Variants in PID1 observed in about 807,000 individuals in gnomAD.
PID1 encodes the protein PTB-containing, cubilin and LRP1-interacting protein.
A neutral mutation model predicts 19.1 loss-of-function variants in PID1; 10 were observed. That is an observed-to-expected ratio of 0.52 (90% confidence interval 0.32 to 0.89). PID1 has a LOEUF of 0.89. Among genes scored for constraint, PID1 ranks in the 40% least tolerant of loss-of-function variants. The probability of loss-of-function intolerance (pLI) is 0.03; values close to 1 mark genes in which losing one functional copy is unlikely to be tolerated. For synonymous variants in PID1, 130 were observed against 116.0 expected, an observed-to-expected ratio of 1.12 and a Z score of -0.78; for missense variants, 248 against 285.3, an observed-to-expected ratio of 0.87 and a Z score of 0.94.
chr2:229,178,991 T>C (rs1238358708), intron 1 of PID1, among the ~76,000 whole-genome samples: 1 of 152,110 alleles, frequency 6.6e-6, no homozygotes, highest in Admixed American at 6.5e-5. Context: ...ATGTGAAAAC[T>C]CAGTCCAAAG....
intron 2 of PID1, among the ~76,000 whole-genome samples, chr2:229,147,460 T>A (rs1690158662): frequency 6.6e-6 from 1 of 152,098 alleles, no homozygotes; most frequent in African/African-American, 2.4e-5. Context: ...TCACTTCTAT[T>A]CATATTTTAG....
chr2:229,101,307 C>T (rs1695068529), intron 2 of PID1, among the ~76,000 whole-genome samples: 1 of 152,092 alleles, frequency 6.6e-6, no homozygotes, highest in South Asian at 2.1e-4. Context: ...TGGTGGTTTG[C>T]TGCACTTATC....
rs201772514 is a variant in PID1, at chr2:229,236,987, TACACAC to T, written c.30+34021_30+34026del. Among the ~76,000 whole-genome samples the T allele has an allele frequency of 5.9e-3, 632 of 107,858 alleles. 5 individuals carry two copies. The highest frequency in any genetic ancestry group is 0.021 in the Admixed American group (252 of 12,024). The allele number at this position is 107,858 out of a possible 152,430, so 70.8% of individuals were successfully genotyped here. The stretch of plus-strand genomic sequence containing the variant: ...TGCGGCCTTCTCCTTTACACACACA[TACACAC>T]ACACACACACACACACACACACACA... On this transcript the variant is annotated intron_variant, in intron 1 of 2. Transcript: ENST00000392055.
At chr2:229,096,877 A>G (rs1378676887) in intron 2 of PID1, among the ~76,000 whole-genome samples, 1 of 152,200 alleles carries the variant, frequency 6.6e-6, no homozygotes, top group Non-Finnish European at 1.5e-5. Context: ...GGCTCTGCTT[A>G]CAAGAAGGCA....
intron 2 of PID1, among the ~76,000 whole-genome samples, chr2:229,089,052 G>A (rs1010903157): frequency 1.3e-5 from 2 of 152,150 alleles, no homozygotes; most frequent in African/African-American, 2.4e-5. Context: ...GCAACCAGAA[G>A]ATAGGAAACA....
chr2:229,252,291 G>T (rs2106284808), intron 1 of PID1, among the ~76,000 whole-genome samples: 1 of 152,286 alleles, frequency 6.6e-6, no homozygotes, highest in Non-Finnish European at 1.5e-5. Flanking sequence ...TTTTTAATTT[G>T]GGGGCAGAAA....
At chr2:229,063,450 T>C (rs1167454366) in intron 2 of PID1, among the ~76,000 whole-genome samples, 2 of 152,126 alleles carry the variant, frequency 1.3e-5, no homozygotes, top group Non-Finnish European at 2.9e-5. Context: ...CTTCCTGTTG[T>C]TGATTTCCAG....
chr2:229,103,528 G>C (rs1012529745), intron 2 of PID1, among the ~76,000 whole-genome samples: 1 of 151,216 alleles, frequency 6.6e-6, no homozygotes, highest in Non-Finnish European at 1.5e-5. Flanking sequence ...CAAGGTCACT[G>C]GTTATGGAAA....
At chr2:229,126,330 C>T (rs1216402740) in intron 2 of PID1, among the ~76,000 whole-genome samples, 1 of 151,818 alleles carries the variant, frequency 6.6e-6, no homozygotes, top group African/African-American at 2.4e-5. Context: ...ACAAAAAAGA[C>T]AGGTCTGGAG....
At chr2:229,136,896 G>T (rs960453102) in intron 2 of PID1, among the ~76,000 whole-genome samples, 9 of 152,184 alleles carry the variant, frequency 5.9e-5, no homozygotes, top group Admixed American at 4.6e-4. Context: ...TACTTACCAC[G>T]TATCTTTATG....
chr2:229,239,981 T>C (rs1369225000), intron 1 of PID1, among the ~76,000 whole-genome samples: 1 of 152,162 alleles, frequency 6.6e-6, no homozygotes, highest in African/African-American at 2.4e-5. Context: ...TCTATTTTCA[T>C]CTATATCTAA....
intron 1 of PID1, among the ~76,000 whole-genome samples, chr2:229,181,453 G>A (rs923369257): frequency 9.2e-5 from 14 of 151,580 alleles, no homozygotes; most frequent in Admixed American, 9.2e-4. Context: ...AGATGTCAAC[G>A]AGAATCTTAC....
At chr2:229,110,930 T>C (rs1012471714) in intron 2 of PID1, among the ~76,000 whole-genome samples, 9 of 152,148 alleles carry the variant, frequency 5.9e-5, no homozygotes, top group African/African-American at 1.7e-4. Context: ...GTAGCTCCCA[T>C]AATTCCCATG....
intron 2 of PID1, among the ~76,000 whole-genome samples, chr2:229,100,197 C>A (rs925768066): frequency 5.3e-5 from 8 of 152,196 alleles, no homozygotes; most frequent in Non-Finnish European, 1.0e-4. Context: ...ATTGTTTAAG[C>A]CGCTCCATCT....
At chr2:229,192,049 A>AT (rs1199464450) in intron 1 of PID1, among the ~76,000 whole-genome samples, 1 of 152,132 alleles carries the variant, frequency 6.6e-6, no homozygotes, top group Non-Finnish European at 1.5e-5. Context: ...CACACACTAT[A>AT]TAAGTATAAA....
At chr2:229,096,795 CTT>C (rs1160850696) in intron 2 of PID1, among the ~76,000 whole-genome samples, 1 of 152,164 alleles carries the variant, frequency 6.6e-6, no homozygotes, top group African/African-American at 2.4e-5. Context: ...AACCATGTCT[CTT>C]AACCCCTCAC....
At chr2:229,262,624 T>A in intron 1 of PID1, 1 of 1,534,850 alleles carries the variant, frequency 6.5e-7, no homozygotes, top group East Asian at 2.4e-5. Flanking sequence ...TACCTAGGGC[T>A]GTTGTAACAA....
chr2:229,121,936 G>A lies in PID1; in HGVS notation c.177+33882C>T, dbSNP rs957034265. Among the ~76,000 whole-genome samples, 4 of 152,250 alleles carry A rather than the reference G, an allele frequency of 2.6e-5. No homozygotes were observed. The East Asian group carries it at 7.7e-4, about 29-fold the overall frequency. Reference sequence around the variant, plus strand: ...AAAATCAAAGGAGAGCAAAGAGATTGGGAGTAATAGGGACCCTGTGGCTTT... The same window carrying A: ...AAAATCAAAGGAGAGCAAAGAGATTAGGAGTAATAGGGACCCTGTGGCTTT... On this transcript the variant is annotated intron_variant, in intron 2 of 2. Coordinates refer to ENST00000392055, the MANE Select transcript of PID1 (RefSeq NM_001100818.2).
intron 1 of PID1, among the ~76,000 whole-genome samples, chr2:229,269,856 G>A (rs993531047): frequency 2.0e-5 from 3 of 152,126 alleles, no homozygotes; most frequent in Admixed American, 6.5e-5. Flanking sequence ...CTGATAAATT[G>A]AACACACTCC....
Sources: gnomAD v4.1 joint callset for allele counts (sites outside exome capture counted in the v4.1 genomes callset) on GRCh38, gnomAD v4.1.1 for gene constraint, MANE v1.5 for transcripts, NCBI Gene and HGNC (gene_info 2026-07-23, HGNC 2026-07-21) for gene names.